NDC1: variants seen among roughly 807,000 people sequenced by gnomAD.
NDC1 encodes the protein NDC1 transmembrane nucleoporin.
In NDC1, 24 loss-of-function variants were observed where a neutral mutation model predicts 89.8. The ratio of observed to expected loss-of-function variants is 0.27; its 90% CI spans 0.19 to 0.38. NDC1 has a LOEUF of 0.38. Among genes scored for constraint, NDC1 ranks in the 10% least tolerant of loss-of-function variants. The pLI is 1.00. For synonymous variants in NDC1, 296 were observed against 284.8 expected, an observed-to-expected ratio of 1.04 and a Z score of -0.39; for missense variants, 728 against 797.6, an observed-to-expected ratio of 0.91 and a Z score of 1.05.
intron 16 of NDC1, among the ~76,000 whole-genome samples, chr1:53,774,357 G>A (rs1190852408): frequency 6.6e-6 from 1 of 152,100 alleles, no homozygotes; most frequent in South Asian, 2.1e-4. Context: ...TAAATGATTG[G>A]ACTCAGAGTT....
At chr1:53,820,716 T>TC (rs1319536990) in intron 5 of NDC1, among the ~76,000 whole-genome samples, 1 of 144,690 alleles carries the variant, frequency 6.9e-6, no homozygotes, top group Non-Finnish European at 1.5e-5. Context: ...TTTTTTTTTT[T>TC]TTTTTTTTTT....
intron 6 of NDC1, 50 bp from the exon 7 acceptor site, chr1:53,809,796 T>C: frequency 6.9e-7 from 1 of 1,453,408 alleles, no homozygotes; most frequent in Non-Finnish European, 9.6e-7. Flanking sequence ...ATAAAACAAG[T>C]TTTAGTCAAG....
At position 53,830,228 on chromosome 1, in the gene NDC1, C is replaced by T. The variant is rs139638304; in HGVS notation, c.281-2055G>A. On this transcript the variant is annotated intron_variant, in intron 3 of 17. Transcript: ENST00000371429. ...CAGCACTTTGGGAGGTCAAGGCAAG[C>T]GGATCACTTGAGGTCGGGAGTTCGA... Among the ~76,000 whole-genome samples the T allele has an allele frequency of 6.5e-3, 994 of 151,782 alleles. 9 individuals are homozygous for T. The highest frequency in any genetic ancestry group is 0.011 in the Non-Finnish European group (736 of 67,948).
chr1:53,801,587 A>G (rs1473729863), intron 10 of NDC1, among the ~76,000 whole-genome samples: 2 of 152,168 alleles, frequency 1.3e-5, no homozygotes, highest in African/African-American at 4.8e-5. Flanking sequence ...TATGTGCCAA[A>G]TGATCATTCC....
At chr1:53,785,102 GTAC>G (rs931984213) in intron 16 of NDC1, among the ~76,000 whole-genome samples, 16 of 152,126 alleles carry the variant, frequency 1.1e-4, no homozygotes, top group Non-Finnish European at 1.8e-4. Context: ...GTAAGTCACT[GTAC>G]TACTAAGCCT....
At chr1:53,787,668 A>G (rs1647347795) in intron 15 of NDC1, among the ~76,000 whole-genome samples, 2 of 149,066 alleles carry the variant, frequency 1.3e-5, no homozygotes, top group South Asian at 2.1e-4. Flanking sequence ...TAAATAGATA[A>G]ATAAATAAAT....
intron 6 of NDC1, 151 bp from the exon 7 acceptor site, chr1:53,809,897 G>C: frequency 1.6e-6 from 1 of 628,002 alleles, no homozygotes; most frequent in South Asian, 1.9e-5. Context: ...GGAAAAGACA[G>C]TACTTATTAA....
intron 2 of NDC1, among the ~76,000 whole-genome samples, chr1:53,834,415 C>G (rs561401694): frequency 1.3e-5 from 2 of 152,100 alleles, no homozygotes; most frequent in Non-Finnish European, 2.9e-5. Context: ...TGGGACCTAT[C>G]GAAAAAGTGA....
chr1:53,820,602 CCTT>C (rs996077248), intron 5 of NDC1, among the ~76,000 whole-genome samples: 1 of 151,900 alleles, frequency 6.6e-6, no homozygotes, highest in African/African-American at 2.4e-5. Flanking sequence ...ACCTCTCTCT[CCTT>C]CTCAGTCTCT....
intron 13 of NDC1, among the ~76,000 whole-genome samples, chr1:53,796,069 G>T (rs541070422): frequency 6.6e-6 from 1 of 152,186 alleles, no homozygotes; most frequent in Admixed American, 6.5e-5. Context: ...TCTCCCTTCA[G>T]GTCTCTGATC....
chr1:53,835,463 G>T, intron 2 of NDC1, 37 bp downstream of exon 2: 3 of 1,572,476 alleles, frequency 1.9e-6, no homozygotes, highest in Non-Finnish European at 2.6e-6. Context: ...TGAGAAGTAG[G>T]TCCTATAACT....
chr1:53,793,098 C>T (rs771119611), intron 14 of NDC1, 131 bp downstream of exon 14: 6 of 750,622 alleles, frequency 8.0e-6, no homozygotes, highest in Non-Finnish European at 1.4e-5. Context: ...TTCAGTGAAG[C>T]ACTATGCAAA....
chr1:53,835,630 A>G lies in NDC1; in HGVS notation c.58-10T>C. On this transcript the variant is annotated splice_polypyrimidine_tract_variant and intron_variant, in intron 1 of 17. Transcript: ENST00000371429. ...TCCTCCAGCCCAAAACCTATAAACA[A>G]AAAGAAAAACCCTCACTCATGAAGT... 6.3e-7 allele frequency: 1 copy of G among 1,597,418 alleles called. No homozygotes were observed. The highest frequency in any genetic ancestry group is 8.5e-7 in the Non-Finnish European group (1 of 1,175,772).
chr1:53,831,081 C>T (rs1431234575), intron 3 of NDC1, among the ~76,000 whole-genome samples: 1 of 151,586 alleles, frequency 6.6e-6, no homozygotes, highest in African/African-American at 2.4e-5. Flanking sequence ...CAAAATTAGC[C>T]AGGCATGGTG....
chr1:53,836,508 T>C (rs936091459), intron 1 of NDC1, among the ~76,000 whole-genome samples: 20 of 149,924 alleles, frequency 1.3e-4, no homozygotes, highest in African/African-American at 4.9e-4. Context: ...CTTTTTGATG[T>C]TGTGATTTTG....
At chr1:53,827,823 AT>A (rs990870309) in intron 4 of NDC1, among the ~76,000 whole-genome samples, 175 bp downstream of exon 4, 14 of 152,298 alleles carry the variant, frequency 9.2e-5, no homozygotes, top group African/African-American at 2.6e-4. Flanking sequence ...CACATAATAA[AT>A]TTTTTTAATT....
At chr1:53,794,902 G>A (rs1014674692) in intron 13 of NDC1, among the ~76,000 whole-genome samples, 1 of 151,912 alleles carries the variant, frequency 6.6e-6, no homozygotes, top group Admixed American at 6.6e-5. Context: ...AAAGTTCCTT[G>A]ACCCCTCAAT....
chr1:53,775,124 C>CA (rs1220035521), intron 16 of NDC1, among the ~76,000 whole-genome samples: 1 of 152,176 alleles, frequency 6.6e-6, no homozygotes, highest in African/African-American at 2.4e-5. Context: ...TCTAGCTCAT[C>CA]AATTCTTCTG....
chr1:53,809,712 C>A lies in NDC1; in HGVS notation c.738G>T (p.Met246Ile), dbSNP rs773603921. 16 of 1,611,618 alleles carry A rather than the reference C, an allele frequency of 9.9e-6. No individual in the cohort carries two copies. Among genetic ancestry groups the A allele is most frequent in the Non-Finnish European group, 1.3e-5 (15 of 1,177,968 alleles). Residue 246 changes from methionine to isoleucine, a missense_variant, in exon 7 of 18, where the codon ATG becomes ATT. Coordinates refer to ENST00000371429, the MANE Select transcript of NDC1 (RefSeq NM_018087.5). ...TCACTTACTCATCTATGTGAAGGTT[C>A]ATAGCAGTGCTAATCCAAGCTTTGG... ...YIPKAWISTA[M>I]NLHIDEQVHR...
Sources: allele counts gnomAD v4.1 joint callset (sites outside exome capture counted in the v4.1 genomes callset), GRCh38; gene constraint gnomAD v4.1.1; transcripts MANE v1.5; gene names NCBI Gene and HGNC (gene_info 2026-07-23, HGNC 2026-07-21).